ATRNL1: variants seen among roughly 807,000 people sequenced by gnomAD.
The protein encoded by ATRNL1 is attractin like 1.
A neutral mutation model predicts 182.7 loss-of-function variants in ATRNL1; 95 were observed. The ratio of observed to expected loss-of-function variants is 0.52; its 90% confidence interval spans 0.44 to 0.62. ATRNL1 has a LOEUF of 0.62. Among genes scored for constraint, ATRNL1 ranks in the 20% least tolerant of loss-of-function variants. The probability of loss-of-function intolerance (pLI) is 0.00; values close to 1 mark genes in which losing one functional copy is unlikely to be tolerated. For synonymous variants in ATRNL1, 576 were observed against 568.3 expected (o/e 1.01, Z -0.19); for missense variants, 1,471 against 1,679.5 (o/e 0.88, Z 2.17).
chr10:115,860,200 A>G (rs1467889523), intron 28 of ATRNL1, among the ~76,000 whole-genome samples: 8 of 152,210 alleles, frequency 5.3e-5, no homozygotes, highest in Non-Finnish European at 1.2e-4. Context: ...TTGAGGGAAT[A>G]AAGATTCTTG....
At chr10:115,446,200 A>G (rs1318530935) in intron 21 of ATRNL1, among the ~76,000 whole-genome samples, 2 of 151,622 alleles carry the variant, frequency 1.3e-5, no homozygotes, top group African/African-American at 4.8e-5. Flanking sequence ...CATACACTGA[A>G]TTTTTCTGTG....
intron 17 of ATRNL1, among the ~76,000 whole-genome samples, chr10:115,303,785 T>G (rs1398513431): frequency 6.6e-6 from 1 of 152,136 alleles, no homozygotes; most frequent in Non-Finnish European, 1.5e-5. Context: ...GTGTGTTTGA[T>G]CCAGGTTCCA....
At chr10:115,903,208 A>G (rs1271840369) in intron 28 of ATRNL1, among the ~76,000 whole-genome samples, 2 of 152,182 alleles carry the variant, frequency 1.3e-5, no homozygotes, top group South Asian at 4.1e-4. Flanking sequence ...TAAAATATTG[A>G]TACATTCATT....
intron 27 of ATRNL1, among the ~76,000 whole-genome samples, chr10:115,778,644 G>A (rs1949188909): frequency 6.6e-6 from 1 of 152,206 alleles, no homozygotes; most frequent in Non-Finnish European, 1.5e-5. Flanking sequence ...GGGAAATTGG[G>A]CCAGACCGCC....
At chr10:115,814,546 C>T (rs1008626978) in intron 27 of ATRNL1, among the ~76,000 whole-genome samples, 11 of 152,044 alleles carry the variant, frequency 7.2e-5, no homozygotes, top group African/African-American at 2.7e-4. Context: ...AGTGAGTTAC[C>T]AGTCCCACAG....
chr10:115,417,891 G>T (rs1306496085), intron 20 of ATRNL1, among the ~76,000 whole-genome samples: 1 of 152,146 alleles, frequency 6.6e-6, no homozygotes, highest in Non-Finnish European at 1.5e-5. Flanking sequence ...TGGGCTCAGA[G>T]AACACAACAG....
At chr10:115,599,205 C>T (rs2133938159) in intron 26 of ATRNL1, among the ~76,000 whole-genome samples, 1 of 152,270 alleles carries the variant, frequency 6.6e-6, no homozygotes, top group South Asian at 2.1e-4. Flanking sequence ...TTGCTTTACC[C>T]TCCTATTTTA....
chr10:115,343,473 C>A (rs1395121403), intron 19 of ATRNL1, among the ~76,000 whole-genome samples: 6 of 152,066 alleles, frequency 3.9e-5, no homozygotes, highest in African/African-American at 1.4e-4. Context: ...TCCTTGATAC[C>A]TTTTAATTAT....
chr10:115,504,744 T>G (rs903985976), intron 24 of ATRNL1, among the ~76,000 whole-genome samples: 2 of 152,108 alleles, frequency 1.3e-5, no homozygotes, highest in Non-Finnish European at 2.9e-5. Flanking sequence ...AAAAAGCATT[T>G]GACTAGCCTT....
chr10:115,214,015 A>G (rs1177271076), intron 8 of ATRNL1, among the ~76,000 whole-genome samples: 1 of 148,796 alleles, frequency 6.7e-6, no homozygotes, highest in Non-Finnish European at 1.5e-5. Context: ...CAGTAGTTGC[A>G]ACATAGTATT....
intron 8 of ATRNL1, among the ~76,000 whole-genome samples, chr10:115,182,152 A>G (rs769142193): frequency 6.6e-6 from 1 of 151,562 alleles, no homozygotes; most frequent in Non-Finnish European, 1.5e-5. Flanking sequence ...TTCTTTTTGG[A>G]ATTTGCAAAA....
chr10:115,547,852 A>G (rs1396833558), intron 25 of ATRNL1, among the ~76,000 whole-genome samples: 1 of 152,228 alleles, frequency 6.6e-6, no homozygotes, highest in African/African-American at 2.4e-5. Context: ...AATTCTGAGA[A>G]AAGTGTCCCC....
intron 26 of ATRNL1, among the ~76,000 whole-genome samples, chr10:115,663,760 A>C (rs547068997): frequency 6.6e-6 from 1 of 152,132 alleles, no homozygotes; most frequent in South Asian, 2.1e-4. Context: ...TTGTGTACAC[A>C]CAAACTGGAC....
intron 26 of ATRNL1, among the ~76,000 whole-genome samples, chr10:115,705,686 A>T (rs1371321267): frequency 2.6e-5 from 4 of 151,954 alleles, no homozygotes; most frequent in African/African-American, 9.7e-5. Context: ...CTGTCATAAT[A>T]AAATATGCAT....
intron 17 of ATRNL1, among the ~76,000 whole-genome samples, chr10:115,313,004 A>G (rs554454801): frequency 7.2e-5 from 11 of 151,878 alleles, no homozygotes; most frequent in South Asian, 4.1e-4. Context: ...AAAATGTATT[A>G]TTTTGTTAAA....
At chr10:115,263,958 A>G (rs1851498536) in intron 10 of ATRNL1, among the ~76,000 whole-genome samples, 1 of 151,770 alleles carries the variant, frequency 6.6e-6, no homozygotes, top group African/African-American at 2.4e-5. Flanking sequence ...ATAGGCAGAT[A>G]TACCATGTGG....
intron 9 of ATRNL1, among the ~76,000 whole-genome samples, chr10:115,219,002 C>G (rs1457151790): frequency 3.9e-5 from 6 of 152,022 alleles, no homozygotes; most frequent in Non-Finnish European, 8.8e-5. Flanking sequence ...TTTGGGAGGC[C>G]AAGGTGGGCA....
chr10:115,301,791 A>G, intron 16 of ATRNL1, 64 bp from the exon 17 acceptor site: 2 of 1,366,284 alleles, frequency 1.5e-6, no homozygotes, highest in Non-Finnish European at 1.9e-6. Context: ...AGCAAAGAAA[A>G]CCCATACAAT....
chr10:115,598,958 T>C (rs1327021480), intron 26 of ATRNL1, among the ~76,000 whole-genome samples: 1 of 152,228 alleles, frequency 6.6e-6, no homozygotes, highest in African/African-American at 2.4e-5. Flanking sequence ...TGACAACTGG[T>C]AATTTCTTGA....
Sources: allele counts gnomAD v4.1 joint callset (sites outside exome capture counted in the v4.1 genomes callset), GRCh38; gene constraint gnomAD v4.1.1; transcripts MANE v1.5; gene names NCBI Gene and HGNC (gene_info 2026-07-23, HGNC 2026-07-21).